The following NXPH1 variants were observed in gnomAD, a reference collection of about 807,000 sequenced individuals.
NXPH1 encodes neurexophilin-1.
Under a neutral mutation model 23.7 loss-of-function variants are expected in NXPH1, and 5 were observed. The observed-to-expected ratio is 0.21, with a 90% CI of 0.11 to 0.44. NXPH1 has a LOEUF of 0.44. NXPH1 is among the 20% of genes least tolerant of loss of function. NXPH1 has a pLI of 0.99. For synonymous variants in NXPH1, 144 were observed against 122.2 expected, an observed-to-expected ratio of 1.18 and a Z score of -1.18; for missense variants, 324 against 321.6, an observed-to-expected ratio of 1.01 and a Z score of -0.06.
intron 2 of NXPH1, among the ~76,000 whole-genome samples, chr7:8,640,302 T>C (rs1454537203): frequency 1.4e-5 from 2 of 138,276 alleles, no homozygotes; most frequent in African/African-American, 5.5e-5. Context: ...TTTTAAAATA[T>C]TATATGGGGT....
chr7:8,667,403 T>A lies in NXPH1; in HGVS notation c.55-83605T>A, dbSNP rs79622459. ...TTGTTTTGTTTTGTCTGAAAAAGGCTTTATCTCTCCTTTGTTTCTGAGAGT... is the reference window on the plus strand; with the variant it reads ...TTGTTTTGTTTTGTCTGAAAAAGGCATTATCTCTCCTTTGTTTCTGAGAGT... On this transcript the variant is annotated intron_variant, in intron 2 of 2. Coordinates refer to ENST00000405863, the MANE Select transcript of NXPH1 (RefSeq NM_152745.3). 2.5e-3 allele frequency among the ~76,000 whole-genome samples: 384 copies of A among 151,972 alleles called. 2 individuals are homozygous for A. Among genetic ancestry groups the A allele is most frequent in the African/African-American group, 8.6e-3 (359 of 41,504 alleles).
chr7:8,499,812 C>T (rs562727608), intron 2 of NXPH1, among the ~76,000 whole-genome samples: 16 of 152,108 alleles, frequency 1.1e-4, no homozygotes, highest in South Asian at 8.3e-4. Context: ...TGCAGCTGGA[C>T]GAGCCATGGC....
Position 8,693,981 on chromosome 7 carries a change from A to G in NXPH1, c.55-57027A>G, listed in dbSNP as rs182099208. 3.3e-4 allele frequency among the ~76,000 whole-genome samples: 50 copies of G among 152,338 alleles called. No individual in the cohort carries two copies. In the East Asian group the frequency reaches 6.2e-3, roughly 19 times the overall value. ...ATCCAATGTATAATTTAAAATATAT[A>G]TCTTTTAATTTTATGAAGAAAGAGT... On this transcript the variant is annotated intron_variant, in intron 2 of 2. Transcript: ENST00000405863.
At chr7:8,737,292 T>C (rs962310209) in intron 2 of NXPH1, among the ~76,000 whole-genome samples, 5 of 152,206 alleles carry the variant, frequency 3.3e-5, no homozygotes, top group Non-Finnish European at 5.9e-5. Flanking sequence ...GTATATTTAG[T>C]GCTTCCTTCA....
chr7:8,528,764 T>A (rs192985980), intron 2 of NXPH1, among the ~76,000 whole-genome samples: 26 of 152,314 alleles, frequency 1.7e-4, no homozygotes, highest in African/African-American at 6.0e-4. Context: ...GTTTTTCTTG[T>A]CCCAGGTGGA....
intron 2 of NXPH1, among the ~76,000 whole-genome samples, chr7:8,689,436 A>G (rs991568170): frequency 6.6e-6 from 1 of 152,124 alleles, no homozygotes; most frequent in East Asian, 1.9e-4. Context: ...TTTAAAGGGG[A>G]CCTACAAGGT....
chr7:8,550,365 A>G (rs1818259135), intron 2 of NXPH1, among the ~76,000 whole-genome samples: 1 of 151,566 alleles, frequency 6.6e-6, no homozygotes, highest in Admixed American at 6.6e-5. Context: ...TCAAAACAAA[A>G]TGGATAATAT....
chr7:8,693,506 CTT>C (rs1821254568), intron 2 of NXPH1, among the ~76,000 whole-genome samples: 1 of 152,148 alleles, frequency 6.6e-6, no homozygotes, highest in African/African-American at 2.4e-5. Flanking sequence ...ATCTAAGTGT[CTT>C]TGGCAAAAGA....
At chr7:8,556,012 A>G (rs181096531) in intron 2 of NXPH1, among the ~76,000 whole-genome samples, 188 of 151,808 alleles carry the variant, frequency 1.2e-3, no homozygotes, top group Non-Finnish European at 2.2e-3. Flanking sequence ...CTCTCTAACT[A>G]TAATATAGGC....
chr7:8,541,358 C>G (rs766479230), intron 2 of NXPH1, among the ~76,000 whole-genome samples: 1 of 151,390 alleles, frequency 6.6e-6, no homozygotes, highest in Non-Finnish European at 1.5e-5. Context: ...TTCAAGCAAC[C>G]TAATATATAT....
chr7:8,477,868 G>T (rs1419892355), intron 2 of NXPH1, among the ~76,000 whole-genome samples: 1 of 152,080 alleles, frequency 6.6e-6, no homozygotes, highest in Non-Finnish European at 1.5e-5. Flanking sequence ...TGATTGTCCA[G>T]GGACTTTATT....
At chr7:8,749,299 T>A (rs1445447653) in intron 2 of NXPH1, among the ~76,000 whole-genome samples, 1 of 152,168 alleles carries the variant, frequency 6.6e-6, no homozygotes, top group Non-Finnish European at 1.5e-5. Flanking sequence ...TTTTACAGAT[T>A]CAGGAAACAG....
At chr7:8,744,894 C>T (rs1055855295) in intron 2 of NXPH1, among the ~76,000 whole-genome samples, 1 of 152,162 alleles carries the variant, frequency 6.6e-6, no homozygotes, top group Non-Finnish European at 1.5e-5. Flanking sequence ...AGGTTCACTT[C>T]TTTTTCAAAT....
intron 2 of NXPH1, among the ~76,000 whole-genome samples, chr7:8,556,422 C>T (rs55871651): frequency 0.12 from 17,833 of 151,600 alleles, 1,558 homozygotes; most frequent in African/African-American, 0.24. Context: ...AAGTTGGTTC[C>T]GGTTGTCTAC....
intron 2 of NXPH1, among the ~76,000 whole-genome samples, chr7:8,614,518 C>G (rs1819693155): frequency 6.6e-6 from 1 of 151,612 alleles, no homozygotes; most frequent in African/African-American, 2.4e-5. Context: ...TATATACATA[C>G]ACGTTTAGAA....
At chr7:8,454,710 TGTC>T (rs771375135) in intron 2 of NXPH1, among the ~76,000 whole-genome samples, 1 of 152,102 alleles carries the variant, frequency 6.6e-6, no homozygotes, top group Non-Finnish European at 1.5e-5. Context: ...ATTGGTGGCT[TGTC>T]GTAGAGTTAG....
chr7:8,569,687 T>C (rs1262503051), intron 2 of NXPH1, among the ~76,000 whole-genome samples: 1 of 151,746 alleles, frequency 6.6e-6, no homozygotes, highest in Non-Finnish European at 1.5e-5. Context: ...AGTAAGAAAA[T>C]TACAAAACAA....
chr7:8,497,302 A>G (rs1293372603), intron 2 of NXPH1, among the ~76,000 whole-genome samples: 1 of 152,172 alleles, frequency 6.6e-6, no homozygotes, highest in Admixed American at 6.5e-5. Flanking sequence ...TGTTATTGTG[A>G]ATAGTGCAGC....
chr7:8,531,676 C>G (rs561633898), intron 2 of NXPH1, among the ~76,000 whole-genome samples: 9 of 152,258 alleles, frequency 5.9e-5, no homozygotes, highest in African/African-American at 2.2e-4. Context: ...ATTCTTGTTG[C>G]TGTAAACTAC....
Sources: gnomAD v4.1 joint callset for allele counts (sites outside exome capture counted in the v4.1 genomes callset) on GRCh38, gnomAD v4.1.1 for gene constraint, MANE v1.5 for transcripts, NCBI Gene and HGNC (gene_info 2026-07-23, HGNC 2026-07-21) for gene names.